CTTNBP2NL: variants seen among roughly 807,000 people sequenced by gnomAD.
CTTNBP2NL encodes CTTNBP2 N-terminal-like protein.
In CTTNBP2NL, 16 loss-of-function variants were observed where a neutral mutation model predicts 32.5. The observed-to-expected ratio is 0.49, with a 90% CI of 0.33 to 0.75. The LOEUF (loss-of-function observed/expected upper bound fraction) is 0.75. Among genes scored for constraint, CTTNBP2NL ranks in the 30% least tolerant of loss-of-function variants. CTTNBP2NL has a pLI of 0.02. For missense variants in CTTNBP2NL, 645 were observed against 756.0 expected (o/e 0.85, Z 1.72); for synonymous variants, 298 against 289.4 (o/e 1.03, Z -0.30).
chr1:112,405,605 GT>G (rs201908322), intron 1 of CTTNBP2NL, among the ~76,000 whole-genome samples: 2,064 of 152,190 alleles, frequency 0.014, 42 homozygotes, highest in African/African-American at 0.047. Context: ...GCCCAGACCT[GT>G]TTTTAATAGC....
At chr1:112,399,996 G>A (rs903209509) in intron 1 of CTTNBP2NL, among the ~76,000 whole-genome samples, 1 of 152,084 alleles carries the variant, frequency 6.6e-6, no homozygotes, top group African/African-American at 2.4e-5. Flanking sequence ...TTAAACCCAG[G>A]AGGCGGAGGT....
intron 3 of CTTNBP2NL, among the ~76,000 whole-genome samples, chr1:112,417,157 C>G (rs1221466031): frequency 6.6e-6 from 1 of 152,056 alleles, no homozygotes; most frequent in Admixed American, 6.6e-5. Flanking sequence ...ATAGTTTTAC[C>G]GAGATAACCT....
At chr1:112,420,549 G>T (rs929608557) in intron 3 of CTTNBP2NL, among the ~76,000 whole-genome samples, 10 of 152,098 alleles carry the variant, frequency 6.6e-5, no homozygotes, top group African/African-American at 2.4e-4. Context: ...GCTCACTGCA[G>T]CCTCAACCTG....
intron 3 of CTTNBP2NL, among the ~76,000 whole-genome samples, chr1:112,426,896 G>A (rs114976733): frequency 1.8e-3 from 276 of 152,118 alleles, no homozygotes; most frequent in African/African-American, 6.2e-3. Context: ...TTGAGCCACC[G>A]CACCTGGCCT....
chr1:112,437,311 A>G (rs900075690), intron 3 of CTTNBP2NL, among the ~76,000 whole-genome samples: 4 of 152,154 alleles, frequency 2.6e-5, no homozygotes, highest in African/African-American at 7.2e-5. Flanking sequence ...TGACTTTTTA[A>G]TAATAGCCAT....
intron 1 of CTTNBP2NL, chr1:112,396,679 GGACTGGAGCTGCTTTCCTC>G (rs1648340516): frequency 6.6e-6 from 1 of 152,224 alleles, no homozygotes; most frequent in Non-Finnish European, 1.5e-5. Flanking sequence ...CGCCAGGGTG[GGACTGGAGCTGCTTTCCTC>G]CGTAAGATAA....
At chr1:112,412,766 A>G (rs1048196111) in intron 2 of CTTNBP2NL, among the ~76,000 whole-genome samples, 6 of 151,764 alleles carry the variant, frequency 4.0e-5, no homozygotes, top group African/African-American at 1.2e-4. Context: ...ACAGGTGTGC[A>G]CCACCACGTC....
chr1:112,445,932 C>T (rs1229637260), intron 3 of CTTNBP2NL, among the ~76,000 whole-genome samples: 1 of 152,186 alleles, frequency 6.6e-6, no homozygotes, highest in Non-Finnish European at 1.5e-5. Flanking sequence ...TCCTACTCCT[C>T]CATCCCACTT....
rs1175637 is a variant in CTTNBP2NL, at chr1:112,460,743, C to T, written c.*3331C>T. 6.6e-6 allele frequency: 1 copy of T among 152,204 alleles called. No homozygotes were observed. The highest frequency in any genetic ancestry group is 1.5e-5 in the Non-Finnish European group (1 of 68,038). The allele number at this position is 152,204 out of a possible 1,614,324, so 9.4% of individuals were successfully genotyped here. ...AGCCAGAGAGAAGCACTTGAAAATC[C>T]TTTGATGTCTAAAAAATGTTCAAAT... On this transcript the variant is annotated 3_prime_UTR_variant, in exon 6 of 6. Coordinates refer to ENST00000271277, the MANE Select transcript of CTTNBP2NL (RefSeq NM_018704.3).
chr1:112,442,602 C>T (rs1212435334), intron 3 of CTTNBP2NL, among the ~76,000 whole-genome samples: 1 of 152,028 alleles, frequency 6.6e-6, no homozygotes, highest in African/African-American at 2.4e-5. Flanking sequence ...AAAAAAAAAT[C>T]TCAACACATT....
chr1:112,407,985 C>G (rs1030831442), intron 1 of CTTNBP2NL, among the ~76,000 whole-genome samples: 1 of 151,308 alleles, frequency 6.6e-6, no homozygotes, highest in Non-Finnish European at 1.5e-5. Context: ...GCTGGGACTA[C>G]AGGCACACAT....
intron 3 of CTTNBP2NL, among the ~76,000 whole-genome samples, chr1:112,442,255 G>A (rs1172126279): frequency 6.6e-6 from 1 of 151,966 alleles, no homozygotes; most frequent in African/African-American, 2.4e-5. Context: ...CCTCCCAAGT[G>A]GGGACTACAG....
intron 5 of CTTNBP2NL, among the ~76,000 whole-genome samples, chr1:112,454,767 A>C (rs1486187459): frequency 6.6e-6 from 1 of 152,208 alleles, no homozygotes; most frequent in Non-Finnish European, 1.5e-5. Context: ...CAAGAACAAG[A>C]TAGGGTATTC....
chr1:112,403,211 C>G (rs1377050139), intron 1 of CTTNBP2NL, among the ~76,000 whole-genome samples: 1 of 152,182 alleles, frequency 6.6e-6, no homozygotes, highest in Non-Finnish European at 1.5e-5. Context: ...ACTACTCTTT[C>G]TGTTTCCATT....
intron 2 of CTTNBP2NL, chr1:112,414,720 T>C (rs1166483262): frequency 1.3e-5 from 2 of 152,254 alleles, no homozygotes; most frequent in African/African-American, 4.8e-5. Flanking sequence ...CTTCCAAGAT[T>C]GTACAGCAGT....
chr1:112,439,101 T>C (rs1180816171), intron 3 of CTTNBP2NL, among the ~76,000 whole-genome samples: 1 of 152,218 alleles, frequency 6.6e-6, no homozygotes, highest in Non-Finnish European at 1.5e-5. Context: ...GTTCTTTATC[T>C]TAATATGTTA....
chr1:112,447,272 T>TAA (rs35522134), intron 3 of CTTNBP2NL, among the ~76,000 whole-genome samples: 851 of 69,662 alleles, frequency 0.012, 22 homozygotes, highest in Middle Eastern at 0.039. Flanking sequence ...AGACTCCATC[T>TAA]AAAAAAAAAA....
intron 4 of CTTNBP2NL, among the ~76,000 whole-genome samples, chr1:112,449,403 CT>C (rs1171500212): frequency 4.0e-5 from 2 of 50,208 alleles, no homozygotes; most frequent in Non-Finnish European, 1.2e-4. Flanking sequence ...AGCATTTCTT[CT>C]TGATATGTCA....
intron 3 of CTTNBP2NL, among the ~76,000 whole-genome samples, chr1:112,425,938 T>A (rs1649379277): frequency 2.0e-5 from 3 of 150,166 alleles, no homozygotes; most frequent in Non-Finnish European, 4.4e-5. Context: ...TTTACTTACT[T>A]CTTTCTAATC....
Sources: allele counts gnomAD v4.1 joint callset (sites outside exome capture counted in the v4.1 genomes callset), GRCh38; gene constraint gnomAD v4.1.1; transcripts MANE v1.5; gene names NCBI Gene and HGNC (gene_info 2026-07-23, HGNC 2026-07-21).